The following SIPA1L1 variants were observed in gnomAD, a reference collection of about 807,000 sequenced individuals.
The protein encoded by SIPA1L1 is signal-induced proliferation-associated 1-like protein 1.
SIPA1L1 carries 26 observed loss-of-function variants against 162.7 expected under a neutral mutation model. The ratio of observed to expected loss-of-function variants is 0.16; its 90% CI spans 0.12 to 0.22. SIPA1L1 has a LOEUF of 0.22. Among genes scored for constraint, SIPA1L1 ranks in the 10% least tolerant of loss-of-function variants. The probability of loss-of-function intolerance (pLI) is 1.00; values close to 1 mark genes in which losing one functional copy is unlikely to be tolerated. For synonymous variants in SIPA1L1, 829 were observed against 837.4 expected, an observed-to-expected ratio of 0.99 and a Z score of 0.17; for missense variants, 1,874 against 2,241.0, an observed-to-expected ratio of 0.84 and a Z score of 3.31.
intron 15 of SIPA1L1, among the ~76,000 whole-genome samples, chr14:71,702,890 C>A (rs2082188093): frequency 6.6e-6 from 1 of 152,140 alleles, no homozygotes; most frequent in African/African-American, 2.4e-5. Flanking sequence ...AAAAGAGATA[C>A]AATTATTGTT....
intron 5 of SIPA1L1, among the ~76,000 whole-genome samples, chr14:71,611,190 C>G (rs899169850): frequency 1.3e-5 from 2 of 152,174 alleles, no homozygotes; most frequent in African/African-American, 4.8e-5. Context: ...CAGTTGGCCT[C>G]TTATTATGTC....
At chr14:71,460,125 A>G (rs2046484179) in intron 2 of SIPA1L1, among the ~76,000 whole-genome samples, 1 of 152,248 alleles carries the variant, frequency 6.6e-6, no homozygotes, top group African/African-American at 2.4e-5. Context: ...TACATGCACA[A>G]ACATGTTTTT....
Position 71,369,908 on chromosome 14 carries a change from T to A in SIPA1L1, c.-465+48727T>A, listed in dbSNP as rs1341932386. Among the ~76,000 whole-genome samples, 234 of 136,758 alleles carry A rather than the reference T, an allele frequency of 1.7e-3. 1 individual carries two copies. Among genetic ancestry groups the A allele is most frequent in the African/African-American group, 5.6e-3 (207 of 37,036 alleles). The allele number at this position is 136,758 out of a possible 152,430, so 89.7% of individuals were successfully genotyped here. On this transcript the variant is annotated intron_variant, in intron 2 of 23. Coordinates refer to ENST00000381232, the MANE Select transcript of SIPA1L1 (RefSeq NM_001386936.1). ...TTGTAAGTTGGATTCCTAGGTATTTTATTCTCTTTGAAGCAATTGTGAATG... is the reference window on the plus strand; with the variant it reads ...TTGTAAGTTGGATTCCTAGGTATTTAATTCTCTTTGAAGCAATTGTGAATG...
In SIPA1L1 at chr14:71,450,661, GCTGTTAGAATGGCTGTTATTAAAAC is replaced by G. The variant is rs756248786; in HGVS notation, c.-464-62032_-464-62008del. Among the ~76,000 whole-genome samples, 544 of 152,172 alleles carry G rather than the reference GCTGTTAGAATGGCTGTTATTAAAAC, an allele frequency of 3.6e-3. 2 individuals carry two copies. Among genetic ancestry groups the G allele is most frequent in the East Asian group, 0.019 (96 of 5,182 alleles). On this transcript the variant is annotated intron_variant, in intron 2 of 23. Coordinates refer to ENST00000381232, the MANE Select transcript of SIPA1L1 (RefSeq NM_001386936.1). Reference sequence around the variant, plus strand: ...GCAATGTTATTTACCTGTTAGAACGGCTGTTAGAATGGCTGTTATTAAAACCTGTTAGAATGGCTGTTATTAAAAC... The same window carrying G: ...GCAATGTTATTTACCTGTTAGAACGGCTGTTAGAATGGCTGTTATTAAAAC...
At chr14:71,668,001 G>T (rs917453615) in intron 10 of SIPA1L1, among the ~76,000 whole-genome samples, 1 of 151,894 alleles carries the variant, frequency 6.6e-6, no homozygotes, top group Non-Finnish European at 1.5e-5. Flanking sequence ...GGAGGCAGAG[G>T]TTGCAGTGAG....
At chr14:71,411,783 CTGTAG>C (rs751722783) in intron 2 of SIPA1L1, among the ~76,000 whole-genome samples, 7 of 152,180 alleles carry the variant, frequency 4.6e-5, no homozygotes, top group Admixed American at 1.3e-4. Flanking sequence ...CTTCGAGTTA[CTGTAG>C]TTCAGCCTGA....
At chr14:71,386,639 A>C (rs1279161676) in intron 2 of SIPA1L1, among the ~76,000 whole-genome samples, 2 of 152,242 alleles carry the variant, frequency 1.3e-5, no homozygotes, top group African/African-American at 4.8e-5. Flanking sequence ...AGAAAATGGT[A>C]ACATTTCAAA....
chr14:71,696,305 T>A (rs1438549932), intron 13 of SIPA1L1, among the ~76,000 whole-genome samples: 1 of 152,216 alleles, frequency 6.6e-6, no homozygotes, highest in Non-Finnish European at 1.5e-5. Flanking sequence ...ATCCCAAGTC[T>A]CCCTGTTTAC....
At chr14:71,627,608 G>A (rs2040161650) in intron 7 of SIPA1L1, among the ~76,000 whole-genome samples, 1 of 152,102 alleles carries the variant, frequency 6.6e-6, no homozygotes, top group Non-Finnish European at 1.5e-5. Context: ...CAGTACAGTT[G>A]GGGGCATCTC....
chr14:71,547,640 T>C (rs567793932), intron 4 of SIPA1L1, among the ~76,000 whole-genome samples: 1 of 152,148 alleles, frequency 6.6e-6, no homozygotes, highest in African/African-American at 2.4e-5. Flanking sequence ...AATTATTTTG[T>C]TCAAATAATA....
At chr14:71,583,553 C>G (rs189728606) in intron 4 of SIPA1L1, among the ~76,000 whole-genome samples, 91 of 152,202 alleles carry the variant, frequency 6.0e-4, no homozygotes, top group Non-Finnish European at 9.6e-4. Context: ...TCCCCCAACC[C>G]CACCCCCTTC....
At position 71,723,743 on chromosome 14, in the gene SIPA1L1, C is replaced by G. The variant is rs149109741; in HGVS notation, c.4305C>G (p.Leu1435=). 1 of 1,614,092 alleles carries G rather than the reference C, an allele frequency of 6.2e-7. No homozygotes were observed. Among genetic ancestry groups the G allele is most frequent in the African/African-American group, 1.3e-5 (1 of 74,920 alleles). ...TTCATCCAGCTGCCCCCTCACAGCT[C>G]GCACCATCCTTCTCCTCCTCTTCCT... ...EELHPAAPSQ[L]APSFSSSSSS... Residue 1435 remains leucine (L), a synonymous_variant, in exon 18 of 24, where the codon CTC becomes CTG. Transcript: ENST00000381232.
intron 2 of SIPA1L1, among the ~76,000 whole-genome samples, chr14:71,400,381 A>G (rs2041576668): frequency 6.6e-6 from 1 of 152,156 alleles, no homozygotes; most frequent in Non-Finnish European, 1.5e-5. Flanking sequence ...ACTTAAGGCT[A>G]TTTTGGCATC....
In SIPA1L1 at chr14:71,377,875, C is replaced by T. The variant is rs1477493638; in HGVS notation, c.-465+56694C>T. Among the ~76,000 whole-genome samples the T allele has an allele frequency of 6.6e-6, 1 of 152,160 alleles. No individual in the cohort carries two copies. The highest frequency in any genetic ancestry group is 1.9e-4 in the East Asian group (1 of 5,192). On this transcript the variant is annotated intron_variant, in intron 2 of 23. Transcript: ENST00000381232. The surrounding 1 kb of genome is among the most constrained non-coding windows in gnomAD (Gnocchi z 4.8). ...CCTGCAATCCCAGGCACTCGGCAGGCTGAGGCAGGAGAATCAGGCAGGGAG... is the reference window on the plus strand; with the variant it reads ...CCTGCAATCCCAGGCACTCGGCAGGTTGAGGCAGGAGAATCAGGCAGGGAG...
In SIPA1L1 at chr14:71,658,385, T is replaced by C. The variant is rs1396433415; in HGVS notation, c.2046T>C (p.Ile682=). 1 of 1,612,756 alleles carries C rather than the reference T, an allele frequency of 6.2e-7. No individual in the cohort carries two copies. The highest frequency in any genetic ancestry group is 1.7e-5 in the Admixed American group (1 of 60,002). ...SLYTTYKDYE[I]MFHVSTMLPY... ...ACACAACATACAAAGATTATGAAAT[T>C]ATGTTCCATGTTTCTACCATGCTGC... is the stretch of plus-strand genomic sequence containing the variant. The change falls in exon 9 of 24, where the codon ATT becomes ATC. Residue 682 remains isoleucine (I), a synonymous_variant. Transcript: ENST00000381232.
intron 2 of SIPA1L1, among the ~76,000 whole-genome samples, chr14:71,458,773 G>T (rs1333096583): frequency 1.3e-5 from 2 of 151,910 alleles, no homozygotes; most frequent in Non-Finnish European, 2.9e-5. Flanking sequence ...GGTGTCTGAG[G>T]CTAAGGAGAA....
chr14:71,699,727 C>CA (rs948002251), intron 14 of SIPA1L1, among the ~76,000 whole-genome samples: 5 of 152,140 alleles, frequency 3.3e-5, no homozygotes, highest in Admixed American at 3.3e-4. Context: ...GATTAGGGAT[C>CA]AAATTTGTCT....
At chr14:71,544,004 C>G (rs1373815933) in intron 4 of SIPA1L1, among the ~76,000 whole-genome samples, 1 of 147,762 alleles carries the variant, frequency 6.8e-6, no homozygotes, top group Non-Finnish European at 1.5e-5. Context: ...CACACACGCA[C>G]ATGTATATAT....
At chr14:71,450,685 A>G (rs2045749578) in intron 2 of SIPA1L1, among the ~76,000 whole-genome samples, 1 of 151,002 alleles carries the variant, frequency 6.6e-6, no homozygotes. Flanking sequence ...TGTTATTAAA[A>G]CCTGTTAGAA....
Sources: allele counts gnomAD v4.1 joint callset (sites outside exome capture counted in the v4.1 genomes callset), GRCh38; gene constraint gnomAD v4.1.1; non-coding constraint Gnocchi (gnomAD v3.1); transcripts MANE v1.5; gene names NCBI Gene and HGNC (gene_info 2026-07-23, HGNC 2026-07-21).